The following ITGBL1 variants were observed in gnomAD, a reference collection of about 807,000 sequenced individuals.
ITGBL1 encodes integrin subunit beta like 1.
In ITGBL1, 51 loss-of-function variants were observed where a neutral mutation model predicts 68.5. The observed-to-expected ratio is 0.74, with a 90% confidence interval of 0.59 to 0.94. ITGBL1 has a LOEUF of 0.94. Among genes scored for constraint, ITGBL1 ranks in the 40% least tolerant of loss-of-function variants. The pLI is 0.00. For synonymous variants in ITGBL1, 209 were observed against 227.3 expected (o/e 0.92, Z 0.72); for missense variants, 649 against 647.4 (o/e 1.00, Z -0.03).
At chr13:101,673,798 A>G (rs2033434503) in intron 7 of ITGBL1, among the ~76,000 whole-genome samples, 1 of 152,170 alleles carries the variant, frequency 6.6e-6, no homozygotes, top group African/African-American at 2.4e-5. Context: ...AAACTGATGA[A>G]GTTGGACTTA....
intron 1 of ITGBL1, among the ~76,000 whole-genome samples, chr13:101,453,444 T>G (rs1338952772): frequency 6.6e-6 from 1 of 152,250 alleles, no homozygotes; most frequent in African/African-American, 2.4e-5. Context: ...ACGTTTTCTC[T>G]TCTGTAATAT....
intron 7 of ITGBL1, among the ~76,000 whole-genome samples, chr13:101,607,428 A>G (rs976219329): frequency 6.6e-6 from 1 of 152,096 alleles, no homozygotes; most frequent in African/African-American, 2.4e-5. Flanking sequence ...CTGCAGAATA[A>G]TTGAAATGGC....
chr13:101,655,765 A>G (rs1324092897), intron 7 of ITGBL1, among the ~76,000 whole-genome samples: 1 of 152,216 alleles, frequency 6.6e-6, no homozygotes, highest in Non-Finnish European at 1.5e-5. Context: ...GGCAGATCTT[A>G]TGACGCTGGC....
At chr13:101,706,964 C>T in intron 9 of ITGBL1, 62 bp downstream of exon 9, 1 of 1,526,666 alleles carries the variant, frequency 6.6e-7, no homozygotes, top group Non-Finnish European at 9.0e-7. Context: ...TGTAGAACAG[C>T]ATGTAGCAAC....
intron 2 of ITGBL1, 111 bp from the exon 3 acceptor site, chr13:101,567,588 A>C: frequency 1.0e-6 from 1 of 982,486 alleles, no homozygotes; most frequent in Non-Finnish European, 1.5e-6. Flanking sequence ...CATGAGTTTC[A>C]ATTTATTATA....
At chr13:101,525,769 A>T (rs2139145630) in intron 2 of ITGBL1, among the ~76,000 whole-genome samples, 1 of 152,230 alleles carries the variant, frequency 6.6e-6, no homozygotes, top group East Asian at 1.9e-4. Flanking sequence ...GTGTAACATT[A>T]GAGTATTACA....
At chr13:101,700,337 T>C (rs937078185) in intron 8 of ITGBL1, among the ~76,000 whole-genome samples, 3 of 152,194 alleles carry the variant, frequency 2.0e-5, no homozygotes, top group Non-Finnish European at 4.4e-5. Flanking sequence ...ACTTGCCACA[T>C]CCAGTCCAAC....
chr13:101,706,711 G>A, intron 8 of ITGBL1, 45 bp from the exon 9 acceptor site: 2 of 1,585,374 alleles, frequency 1.3e-6, no homozygotes, highest in Non-Finnish European at 1.7e-6. Context: ...GCTTCAGCTG[G>A]TTATTTCCTC....
At chr13:101,671,437 G>GTTTTTTTTTTTTTTTTTTTTT (rs1491455482) in intron 7 of ITGBL1, among the ~76,000 whole-genome samples, 8 of 102,800 alleles carry the variant, frequency 7.8e-5, no homozygotes, top group Non-Finnish European at 1.3e-4. Flanking sequence ...TTTTTTTTTT[G>GTTTTTTTTTTTTTTTTTTTTT]TTTTTTTTTG....
chr13:101,551,345 T>G (rs1430745888), intron 2 of ITGBL1, among the ~76,000 whole-genome samples: 1 of 152,210 alleles, frequency 6.6e-6, no homozygotes, highest in Non-Finnish European at 1.5e-5. Flanking sequence ...AGGAGACACT[T>G]GCTCAGTTGT....
At chr13:101,483,944 A>T (rs1308817186) in intron 2 of ITGBL1, among the ~76,000 whole-genome samples, 1 of 152,270 alleles carries the variant, frequency 6.6e-6, no homozygotes, top group South Asian at 2.1e-4. Flanking sequence ...AGGGCCTCAG[A>T]TATGGCAGAT....
At chr13:101,707,028 T>G in intron 9 of ITGBL1, 126 bp downstream of exon 9, 1 of 890,802 alleles carries the variant, frequency 1.1e-6, no homozygotes. Flanking sequence ...TCCTCTGCTG[T>G]CCCCAACTTG....
intron 2 of ITGBL1, among the ~76,000 whole-genome samples, chr13:101,554,806 A>G (rs947218999): frequency 1.3e-5 from 2 of 152,144 alleles, no homozygotes; most frequent in Non-Finnish European, 1.5e-5. Context: ...TTTTCTATGC[A>G]TTTCTCATAC....
Position 101,656,654 on chromosome 13 carries a change from T to A in ITGBL1, c.1016-35931T>A, listed in dbSNP as rs79151290. ...AAAGTAAGGATCACCCACTTAACAC[T>A]CTACCCTTTCAAAATCCACTCATAT... On this transcript the variant is annotated intron_variant, in intron 7 of 10. Coordinates refer to ENST00000376180, the MANE Select transcript of ITGBL1 (RefSeq NM_004791.3). 6.1e-3 allele frequency among the ~76,000 whole-genome samples: 932 copies of A among 152,280 alleles called. 8 individuals carry two copies. The highest frequency in any genetic ancestry group is 0.021 in the African/African-American group (853 of 41,564).
chr13:101,492,001 A>G (rs997616976), intron 2 of ITGBL1, among the ~76,000 whole-genome samples: 5 of 152,082 alleles, frequency 3.3e-5, no homozygotes, highest in African/African-American at 1.2e-4. Context: ...CATAGTGTAT[A>G]TGTGCCATAT....
intron 2 of ITGBL1, among the ~76,000 whole-genome samples, chr13:101,505,491 G>A (rs1217984897): frequency 6.6e-6 from 1 of 152,148 alleles, no homozygotes; most frequent in Admixed American, 6.5e-5. Flanking sequence ...AACTCCGCCT[G>A]GAGGATTTAG....
At position 101,453,841 on chromosome 13, in the gene ITGBL1, C is replaced by G; in HGVS notation, c.99-42C>G. ...GTGGGTTCGGAGCAGGGGGCGGCGTCCGCGTCTGACCCGGCCTGCCGGTTG... is the reference window on the plus strand; with the variant it reads ...GTGGGTTCGGAGCAGGGGGCGGCGTGCGCGTCTGACCCGGCCTGCCGGTTG... On this transcript the variant is annotated intron_variant, in intron 1 of 10. Coordinates refer to ENST00000376180, the MANE Select transcript of ITGBL1 (RefSeq NM_004791.3). 4 of 1,210,196 alleles carry G rather than the reference C, an allele frequency of 3.3e-6. No homozygotes were observed. In the South Asian group the frequency reaches 1.2e-4, roughly 37 times the overall value. The allele number at this position is 1,210,196 out of a possible 1,614,324, so 75.0% of individuals were successfully genotyped here.
intron 8 of ITGBL1, among the ~76,000 whole-genome samples, chr13:101,701,394 G>A (rs994821509): frequency 2.0e-5 from 3 of 151,990 alleles, no homozygotes; most frequent in African/African-American, 2.4e-5. Context: ...TTAGCTGGGC[G>A]TGGTGGCACA....
intron 2 of ITGBL1, among the ~76,000 whole-genome samples, chr13:101,535,441 G>C (rs2049557207): frequency 6.6e-6 from 1 of 151,944 alleles, no homozygotes; most frequent in Non-Finnish European, 1.5e-5. Flanking sequence ...GAGACATCCT[G>C]GTCAAATTAT....
Sources: gnomAD v4.1 joint callset for allele counts (sites outside exome capture counted in the v4.1 genomes callset) on GRCh38, gnomAD v4.1.1 for gene constraint, MANE v1.5 for transcripts, NCBI Gene and HGNC (gene_info 2026-07-23, HGNC 2026-07-21) for gene names.